Variants in SRPK1 observed in about 807,000 individuals in gnomAD.
The protein encoded by SRPK1 is SFRS protein kinase 1.
A neutral mutation model predicts 89.5 loss-of-function variants in SRPK1; 52 were observed. The ratio of observed to expected loss-of-function variants is 0.58; its 90% CI spans 0.46 to 0.73. The LOEUF is 0.73. Ranked by LOEUF, SRPK1 falls within the 30% of genes least tolerant of loss-of-function variation. The probability of loss-of-function intolerance (pLI) is 0.00; values close to 1 mark genes in which losing one functional copy is unlikely to be tolerated. For synonymous variants in SRPK1, 255 were observed against 270.2 expected, an observed-to-expected ratio of 0.94 and a Z score of 0.55; for missense variants, 603 against 780.6, an observed-to-expected ratio of 0.77 and a Z score of 2.71.
chr6:35,879,576 C>T (rs1234637841), intron 6 of SRPK1, among the ~76,000 whole-genome samples: 2 of 152,084 alleles, frequency 1.3e-5, no homozygotes, highest in African/African-American at 4.8e-5. Flanking sequence ...CAAACCCCAT[C>T]AAACCTTAGG....
Position 35,874,300 on chromosome 6 carries a change from A to G in SRPK1, c.518T>C (p.Leu173Pro). 1 of 1,613,494 alleles carries G rather than the reference A, an allele frequency of 6.2e-7. No homozygotes were observed. Among genetic ancestry groups the G allele is most frequent in the Non-Finnish European group, 8.5e-7 (1 of 1,179,702 alleles). ...ATAATTGGATTTGATGATCCACTTG[A>G]GCAGATGATGCCCCAAAACTTCAAA... ...MVFEVLGHHL[L>P]KWIIKSNYQG... Residue 173 changes from leucine (L) to proline (P), a missense_variant, in exon 7 of 16, where the codon CTC becomes CCC. By Grantham distance (98) the Leu-to-Pro change is moderately conservative. Transcript: ENST00000373825.
intron 2 of SRPK1, among the ~76,000 whole-genome samples, chr6:35,902,494 A>G (rs1216559722): frequency 1.3e-5 from 2 of 152,208 alleles, no homozygotes; most frequent in Non-Finnish European, 2.9e-5. Context: ...TCTAAGGTAA[A>G]GAACGAAGCA....
intron 13 of SRPK1, among the ~76,000 whole-genome samples, chr6:35,846,334 T>C (rs932821626): frequency 6.6e-6 from 1 of 151,982 alleles, no homozygotes; most frequent in African/African-American, 2.4e-5. Context: ...CTCATGCCTG[T>C]AATCCCAGCA....
chr6:35,887,293 G>A (rs1770431847), intron 5 of SRPK1, among the ~76,000 whole-genome samples: 1 of 152,184 alleles, frequency 6.6e-6, no homozygotes, highest in South Asian at 2.1e-4. Flanking sequence ...GCCAGATGCA[G>A]TGGCTTGTGC....
At chr6:35,899,949 TG>T (rs1277088746) in intron 2 of SRPK1, among the ~76,000 whole-genome samples, 2 of 150,574 alleles carry the variant, frequency 1.3e-5, no homozygotes, top group East Asian at 3.9e-4. Flanking sequence ...TGCAGTGAGC[TG>T]GGATCGCACC....
chr6:35,873,349 TC>T (rs1770075148), intron 7 of SRPK1, among the ~76,000 whole-genome samples: 1 of 152,218 alleles, frequency 6.6e-6, no homozygotes, highest in East Asian at 1.9e-4. Context: ...GCTCCAATGT[TC>T]CCAAGTCAGG....
intron 12 of SRPK1, among the ~76,000 whole-genome samples, chr6:35,865,135 G>T (rs1026244714): frequency 4.6e-5 from 7 of 152,044 alleles, no homozygotes; most frequent in African/African-American, 1.7e-4. Flanking sequence ...GCACAACAGG[G>T]TGACTATAGT....
At chr6:35,855,592 A>G (rs1769649550) in intron 13 of SRPK1, among the ~76,000 whole-genome samples, 1 of 152,350 alleles carries the variant, frequency 6.6e-6, no homozygotes, top group African/African-American at 2.4e-5. Flanking sequence ...ACCCTGTTGA[A>G]TAATGAAGAA....
intron 3 of SRPK1, 25 bp from the exon 4 acceptor site, chr6:35,888,948 T>C: frequency 1.3e-6 from 2 of 1,491,922 alleles, no homozygotes; most frequent in Non-Finnish European, 1.9e-6. Flanking sequence ...GGAAATACAA[T>C]CAGAAAAACC....
At chr6:35,882,233 T>G (rs1770312841) in intron 6 of SRPK1, among the ~76,000 whole-genome samples, 2 of 150,680 alleles carry the variant, frequency 1.3e-5, no homozygotes, top group African/African-American at 4.9e-5. Flanking sequence ...ATTGAAACAC[T>G]GACTAGAGAA....
At chr6:35,877,711 C>T (rs1453459547) in intron 6 of SRPK1, among the ~76,000 whole-genome samples, 1 of 151,936 alleles carries the variant, frequency 6.6e-6, no homozygotes, top group Non-Finnish European at 1.5e-5. Flanking sequence ...GGCATGGTGG[C>T]GCGTGCCTGT....
chr6:35,844,036 GCT>G (rs1224958566), intron 13 of SRPK1, among the ~76,000 whole-genome samples: 5 of 133,218 alleles, frequency 3.8e-5, no homozygotes, highest in Admixed American at 8.5e-5. Context: ...ATGGAGTCTC[GCT>G]CTGTCGCCCA....
chr6:35,872,862 A>T, intron 7 of SRPK1, 134 bp from the exon 8 acceptor site: 1 of 773,688 alleles, frequency 1.3e-6, no homozygotes, highest in Non-Finnish European at 1.9e-6. Flanking sequence ...AGCACCTTTT[A>T]AAAAAGCACA....
At chr6:35,873,539 G>A (rs1454276060) in intron 7 of SRPK1, among the ~76,000 whole-genome samples, 2 of 151,746 alleles carry the variant, frequency 1.3e-5, no homozygotes, top group Non-Finnish European at 2.9e-5. Flanking sequence ...GCCCAGGCTG[G>A]AGCGCGGTGG....
chr6:35,856,725 A>T (rs1279295164), intron 13 of SRPK1, among the ~76,000 whole-genome samples: 1 of 152,234 alleles, frequency 6.6e-6, no homozygotes, highest in Non-Finnish European at 1.5e-5. Flanking sequence ...ACAATGTAAC[A>T]CATTCCAACA....
chr6:35,904,259 T>C (rs1310711031), intron 2 of SRPK1, among the ~76,000 whole-genome samples: 1 of 152,216 alleles, frequency 6.6e-6, no homozygotes, highest in Non-Finnish European at 1.5e-5. Context: ...AAAAACTGGA[T>C]ACTATGGTCT....
intron 1 of SRPK1, chr6:35,920,807 CGCGAGCCGGCCTGGCGGGGAACAAGGG>C: frequency 2.2e-6 from 1 of 463,116 alleles, no homozygotes; most frequent in Non-Finnish European, 3.7e-6. Context: ...GGCCCCAAGG[CGCGAGCCGGCCTGGCGGGGAACAAGGG>C]GCGGCTACGG....
At chr6:35,883,898 C>T (rs1479145494) in intron 6 of SRPK1, among the ~76,000 whole-genome samples, 3 of 151,608 alleles carry the variant, frequency 2.0e-5, no homozygotes. Context: ...CCACGCCCAG[C>T]TTTTTTTTGT....
intron 12 of SRPK1, 138 bp from the exon 13 acceptor site, chr6:35,857,506 A>G: frequency 1.5e-6 from 1 of 673,296 alleles, no homozygotes; most frequent in Non-Finnish European, 2.5e-6. Context: ...TTTCTTAAAC[A>G]GCATTTTTAT....
Sources: allele counts gnomAD v4.1 joint callset (sites outside exome capture counted in the v4.1 genomes callset), GRCh38; gene constraint gnomAD v4.1.1; transcripts MANE v1.5; gene names NCBI Gene and HGNC (gene_info 2026-07-23, HGNC 2026-07-21).